Variants in PRCC observed in about 807,000 individuals in gnomAD.
PRCC encodes proline-rich protein PRCC.
Under a neutral mutation model 44.0 loss-of-function variants are expected in PRCC, and 10 were observed. That is an observed-to-expected ratio of 0.23 (90% CI 0.14 to 0.39). PRCC has a LOEUF of 0.39. Among genes scored for constraint, PRCC ranks in the 10% least tolerant of loss-of-function variants. The pLI is 1.00. For synonymous variants in PRCC, 278 were observed against 259.5 expected (o/e 1.07, Z -0.69); for missense variants, 573 against 624.7 (o/e 0.92, Z 0.88).
At position 156,794,736 on chromosome 1, in the gene PRCC, C is replaced by G. The variant is rs201737748; in HGVS notation, c.1251C>G (p.Asp417Glu). The change falls in exon 5 of 7, where the codon GAC (aspartate) becomes GAG (glutamate). Residue 417 changes from aspartate (D) to glutamate (E), a missense_variant. Around this residue, in one of 4 missense-constraint regions of PRCC, gnomAD observed 69 missense variants for 139.3 expected, o/e 0.50. Coordinates refer to ENST00000271526, the MANE Select transcript of PRCC (RefSeq NM_005973.5). Reference sequence around the variant, plus strand: ...ACTTTGTGGAGATCAAAGGTGATGACCAGCTCAGTGGGGCCCAGCAATGGA... The same window carrying G: ...ACTTTGTGGAGATCAAAGGTGATGAGCAGCTCAGTGGGGCCCAGCAATGGA... ...EINFVEIKGDDQLSGAQQWMT... is the reference protein window; with the variant it reads ...EINFVEIKGDEQLSGAQQWMT... 1 of 1,614,086 alleles carries G rather than the reference C, an allele frequency of 6.2e-7. No individual in the cohort carries two copies. Among genetic ancestry groups the G allele is most frequent in the Non-Finnish European group, 8.5e-7 (1 of 1,179,996 alleles).
chr1:156,770,039 C>A (rs1443518292), intron 1 of PRCC, among the ~76,000 whole-genome samples: 1 of 152,014 alleles, frequency 6.6e-6, no homozygotes, highest in South Asian at 2.1e-4. Context: ...AGGAAAGATC[C>A]CTGAATGAGA....
chr1:156,785,751 C>T (rs1172542108), intron 2 of PRCC, among the ~76,000 whole-genome samples: 1 of 151,470 alleles, frequency 6.6e-6, no homozygotes, highest in Admixed American at 6.6e-5. Flanking sequence ...CTTTCCTAGG[C>T]GTCATTAGCG....
At chr1:156,793,758 C>G (rs1238471848) in intron 4 of PRCC, among the ~76,000 whole-genome samples, 1 of 151,898 alleles carries the variant, frequency 6.6e-6, no homozygotes, top group Non-Finnish European at 1.5e-5. Context: ...CTGTGTTTCC[C>G]AGGGACCACA....
chr1:156,778,202 T>C (rs1182045066), intron 1 of PRCC, among the ~76,000 whole-genome samples: 5 of 152,196 alleles, frequency 3.3e-5, no homozygotes, highest in Admixed American at 2.6e-4. Context: ...CATCGTCTCC[T>C]CAGTGGTAAC....
chr1:156,790,472 A>T (rs1030173334), intron 3 of PRCC, among the ~76,000 whole-genome samples: 3 of 152,214 alleles, frequency 2.0e-5, no homozygotes, highest in African/African-American at 7.2e-5. Context: ...AAAATACAAA[A>T]ATTAGCTGAG....
intron 5 of PRCC, 127 bp downstream of exon 5, chr1:156,794,935 C>A: frequency 7.9e-7 from 1 of 1,266,062 alleles, no homozygotes; most frequent in Non-Finnish European, 1.1e-6. Context: ...ACATTTTGCC[C>A]ATGGTACTGG....
chr1:156,796,124 C>T (rs1243489949), intron 5 of PRCC: 1 of 152,214 alleles, frequency 6.6e-6, no homozygotes, highest in Non-Finnish European at 1.5e-5. Flanking sequence ...CATGCTCTAC[C>T]AACTGTGGGT....
chr1:156,772,350 T>A (rs762015482), intron 1 of PRCC, among the ~76,000 whole-genome samples: 5 of 152,248 alleles, frequency 3.3e-5, no homozygotes, highest in Non-Finnish European at 7.3e-5. Context: ...TCCAATCATC[T>A]GCAGTCAGCG....
Position 156,788,130 on chromosome 1 carries a change from TG to T in PRCC, c.1083+958del, listed in dbSNP as rs1476475365. Among the ~76,000 whole-genome samples the T allele has an allele frequency of 2.0e-5, 3 of 152,298 alleles. 1 individual carries two copies. In the East Asian group the frequency reaches 5.8e-4, roughly 29 times the overall value. On this transcript the variant is annotated intron_variant, in intron 3 of 6. Coordinates refer to ENST00000271526, the MANE Select transcript of PRCC (RefSeq NM_005973.5). ...GAATTATAGTGTGAGCCACCACACT[TG>T]GCTGTAATAGGTAGTTTTTGATCCT...
intron 3 of PRCC, among the ~76,000 whole-genome samples, chr1:156,787,650 CTTTT>C (rs56916626): frequency 9.2e-5 from 5 of 54,174 alleles, no homozygotes; most frequent in Admixed American, 3.1e-4. Context: ...GGTTTTTGGC[CTTTT>C]TTTTTTTTTT....
Position 156,779,025 on chromosome 1 carries a change from C to T in PRCC, c.469-3257C>T, listed in dbSNP as rs1571578434. Among the ~76,000 whole-genome samples the T allele has an allele frequency of 8.9e-5, 13 of 145,908 alleles. No individual in the cohort carries two copies. The South Asian group carries it at 2.8e-3, about 32-fold the overall frequency. On this transcript the variant is annotated intron_variant, in intron 1 of 6. Coordinates refer to ENST00000271526, the MANE Select transcript of PRCC (RefSeq NM_005973.5). ...ATATTGGTCAGGCTGGTCTCAAACTCCTGACCTCAGGTGTTCCCCCGCCTC... is the reference window on the plus strand; with the variant it reads ...ATATTGGTCAGGCTGGTCTCAAACTTCTGACCTCAGGTGTTCCCCCGCCTC...
intron 3 of PRCC, among the ~76,000 whole-genome samples, chr1:156,790,490 G>T (rs1410272415): frequency 6.6e-6 from 1 of 152,224 alleles, no homozygotes; most frequent in Non-Finnish European, 1.5e-5. Context: ...GAGCGTGCTG[G>T]CATGCGCCTG....
chr1:156,792,287 C>T (rs1652515519), intron 4 of PRCC, among the ~76,000 whole-genome samples: 1 of 151,962 alleles, frequency 6.6e-6, no homozygotes, highest in Non-Finnish European at 1.5e-5. Flanking sequence ...ACAGCCATCA[C>T]ATTGGCATTG....
chr1:156,769,036 G>T (rs905625865), intron 1 of PRCC, among the ~76,000 whole-genome samples: 1 of 152,218 alleles, frequency 6.6e-6, no homozygotes, highest in African/African-American at 2.4e-5. Flanking sequence ...ATGTGACAGT[G>T]GAAAAATACA....
intron 3 of PRCC, among the ~76,000 whole-genome samples, chr1:156,788,189 A>C (rs186288592): frequency 6.6e-6 from 1 of 152,106 alleles, no homozygotes; most frequent in Non-Finnish European, 1.5e-5. Context: ...CCTGGTGTCT[A>C]TTGTTCCCTT....
chr1:156,779,146 TTTTTTTTTTTTTTC>T (rs1651953123), intron 1 of PRCC, among the ~76,000 whole-genome samples: 3 of 88,072 alleles, frequency 3.4e-5, no homozygotes, highest in African/African-American at 4.5e-5. Context: ...TTTTTTTTTT[TTTTTTTTTTTTTTC>T]TTTTTTTCTC....
At chr1:156,781,847 A>G (rs1288109668) in intron 1 of PRCC, among the ~76,000 whole-genome samples, 1 of 152,240 alleles carries the variant, frequency 6.6e-6, no homozygotes, top group African/African-American at 2.4e-5. Context: ...TATGTAGTCT[A>G]TATAAGTGGT....
At chr1:156,787,256 C>T (rs1652287583) in intron 3 of PRCC, 82 bp downstream of exon 3, 3 of 1,419,568 alleles carry the variant, frequency 2.1e-6, no homozygotes, top group Non-Finnish European at 1.9e-6. Flanking sequence ...GATACAGCCT[C>T]TGTGGTGTCA....
At chr1:156,791,890 A>C (rs919055059) in intron 4 of PRCC, 98 bp downstream of exon 4, 2 of 1,098,402 alleles carry the variant, frequency 1.8e-6, no homozygotes, top group African/African-American at 3.1e-5. Flanking sequence ...CACACAAAAG[A>C]CAAAACTGTA....
Sources: allele counts gnomAD v4.1 joint callset (sites outside exome capture counted in the v4.1 genomes callset), GRCh38; gene constraint gnomAD v4.1.1; regional missense constraint gnomAD v4.1.1; transcripts MANE v1.5; gene names NCBI Gene and HGNC (gene_info 2026-07-23, HGNC 2026-07-21).